MIOS: variants seen among roughly 807,000 people sequenced by gnomAD.
MIOS encodes GATOR2 complex protein MIOS.
In MIOS, 52 loss-of-function variants were observed where a neutral mutation model predicts 96.9. The observed-to-expected ratio is 0.54, with a 90% CI of 0.43 to 0.68. The LOEUF is 0.68. MIOS is among the 30% of genes least tolerant of loss of function. The pLI is 0.00. For synonymous variants in MIOS, 397 were observed against 359.5 expected, an observed-to-expected ratio of 1.10 and a Z score of -1.18; for missense variants, 1,005 against 1,052.8, an observed-to-expected ratio of 0.95 and a Z score of 0.63.
chr7:7,580,294 C>G (rs1024126851), intron 5 of MIOS, among the ~76,000 whole-genome samples: 1 of 152,154 alleles, frequency 6.6e-6, no homozygotes, highest in African/African-American at 2.4e-5. Flanking sequence ...CTTTCATAAG[C>G]TAAAAGTGAT....
At chr7:7,580,748 G>A (rs1783688701) in intron 5 of MIOS, among the ~76,000 whole-genome samples, 2 of 143,642 alleles carry the variant, frequency 1.4e-5, no homozygotes, top group African/African-American at 5.2e-5. Flanking sequence ...CCAGGCTGGT[G>A]CGATCTCGGC....
At position 7,603,247 on chromosome 7, in the gene MIOS, G is replaced by T. The variant is rs577679362; in HGVS notation, c.2402-2695G>T. Among the ~76,000 whole-genome samples the T allele has an allele frequency of 1.3e-4, 20 of 151,626 alleles. No homozygotes were observed. The East Asian group carries it at 3.9e-3, about 29-fold the overall frequency. On this transcript the variant is annotated intron_variant, in intron 11 of 12. Coordinates refer to ENST00000340080, the MANE Select transcript of MIOS (RefSeq NM_019005.4). ...AATTAAACTAAAGAGCTTCTGCACA[G>T]CAAAAGAAACTACCATCAGAGTGAA...
At chr7:7,596,561 T>G in intron 11 of MIOS, 100 bp downstream of exon 11, 1 of 1,225,226 alleles carries the variant, frequency 8.2e-7, no homozygotes, top group Non-Finnish European at 1.2e-6. Context: ...GAGTTATTAT[T>G]TCTAAGAAAG....
chr7:7,606,638 A>G (rs190799814), intron 12 of MIOS, among the ~76,000 whole-genome samples: 1 of 152,352 alleles, frequency 6.6e-6, no homozygotes, highest in Admixed American at 6.5e-5. Flanking sequence ...ATCTTGCCAT[A>G]TATGTAGAAA....
At chr7:7,588,030 AC>A (rs1783942378) in intron 7 of MIOS, among the ~76,000 whole-genome samples, 1 of 152,156 alleles carries the variant, frequency 6.6e-6, no homozygotes, top group East Asian at 1.9e-4. Flanking sequence ...GTCACTTTGT[AC>A]TTGGAAACGT....
rs765851251 is a variant in MIOS at position 7,589,275 on chromosome 7, T to C, written c.1885-130T>C. The C allele has an allele frequency of 3.9e-4, 290 of 735,228 alleles. 1 individual carries two copies. The highest frequency in any genetic ancestry group is 5.8e-4 in the Non-Finnish European group (272 of 470,752). The allele number at this position is 735,228 out of a possible 1,614,324, so 45.5% of individuals were successfully genotyped here. A position where few individuals can be genotyped will look rare whatever the true frequency, so the allele number is the denominator to read the frequency against. Reference sequence around the variant, plus strand: ...AGATGCAGACTTCTTAGTTAAATATTTATATTTTAGTAAAGTCTTTTGTTT... The same window carrying C: ...AGATGCAGACTTCTTAGTTAAATATCTATATTTTAGTAAAGTCTTTTGTTT... On this transcript the variant is annotated intron_variant, in intron 8 of 12. Transcript: ENST00000340080.
intron 3 of MIOS, among the ~76,000 whole-genome samples, chr7:7,568,583 T>G (rs1233360862): frequency 6.6e-6 from 1 of 152,248 alleles, no homozygotes; most frequent in African/African-American, 2.4e-5. Context: ...AGCCCAGCAT[T>G]TAGAATGGCT....
intron 7 of MIOS, 120 bp downstream of exon 7, chr7:7,585,925 T>C: frequency 2.2e-6 from 2 of 927,864 alleles, no homozygotes; most frequent in South Asian, 4.8e-5. Context: ...ATATGTTATT[T>C]AAAATAAGGC....
At chr7:7,590,941 TG>T (rs576129621) in intron 9 of MIOS, among the ~76,000 whole-genome samples, 154 of 152,356 alleles carry the variant, frequency 1.0e-3, no homozygotes, top group African/African-American at 3.6e-3. Flanking sequence ...TCCATTCCTT[TG>T]TCCTATTGTC....
intron 11 of MIOS, among the ~76,000 whole-genome samples, chr7:7,599,536 T>C (rs964999652): frequency 6.6e-6 from 1 of 152,166 alleles, no homozygotes; most frequent in African/African-American, 2.4e-5. Context: ...AGATTTAATA[T>C]ATGAAGATTG....
intron 5 of MIOS, chr7:7,581,836 CTTA>C (rs1256379327): frequency 6.6e-6 from 1 of 152,200 alleles, no homozygotes; most frequent in Non-Finnish European, 1.5e-5. Context: ...AAAGGACTTA[CTTA>C]ATTAGGTCAG....
In MIOS at chr7:7,574,164, C is replaced by T; in HGVS notation, c.1361C>T (p.Ala454Val). ...SPGNKGSLVY[A>V]GIKSIVKSSL... ...GGCAACAAAGGATCATTGGTTTATGCAGGAATTAAATCAATTGTAAAGTCA... is the reference window on the plus strand; with the variant it reads ...GGCAACAAAGGATCATTGGTTTATGTAGGAATTAAATCAATTGTAAAGTCA... The change falls in exon 5 of 13, where the codon GCA (alanine) becomes GTA (valine). Residue 454 changes from alanine to valine, a missense_variant. By Grantham distance (64) the Ala-to-Val change is moderately conservative (BLOSUM62 0). Transcript: ENST00000340080. 2 of 1,609,774 alleles carry T rather than the reference C, an allele frequency of 1.2e-6. No individual in the cohort carries two copies. The highest frequency in any genetic ancestry group is 1.7e-6 in the Non-Finnish European group (2 of 1,177,474).
intron 7 of MIOS, among the ~76,000 whole-genome samples, chr7:7,586,998 T>TG (rs1783907030): frequency 5.7e-5 from 8 of 139,790 alleles, no homozygotes; most frequent in African/African-American, 2.0e-4. Context: ...CTTTTTTTTT[T>TG]TTTTTTTTTT....
chr7:7,596,940 A>C (rs1784219682), intron 11 of MIOS, among the ~76,000 whole-genome samples: 1 of 152,262 alleles, frequency 6.6e-6, no homozygotes, highest in Admixed American at 6.5e-5. Context: ...CATGCCTGTA[A>C]TCCCAGCTCT....
intron 6 of MIOS, among the ~76,000 whole-genome samples, chr7:7,584,207 A>G (rs894009859): frequency 4.6e-5 from 7 of 152,002 alleles, no homozygotes; most frequent in East Asian, 3.9e-4. Flanking sequence ...AAAAAAGTCA[A>G]TGTTTTGCTC....
chr7:7,568,206 A>G (rs373924161), intron 3 of MIOS, 83 bp downstream of exon 3: 1 of 152,222 alleles, frequency 6.6e-6, no homozygotes, highest in African/African-American at 2.4e-5. Flanking sequence ...AAATTTGGAA[A>G]AAACATTAAC....
chr7:7,606,134 A>G (rs1784524449), intron 12 of MIOS, 63 bp downstream of exon 12: 1 of 1,578,092 alleles, frequency 6.3e-7, no homozygotes, highest in South Asian at 1.2e-5. Context: ...GATTGCTTCT[A>G]AATAGTTTGG....
intron 5 of MIOS, chr7:7,582,849 T>C (rs1056256064): frequency 5.8e-6 from 2 of 344,144 alleles, no homozygotes; most frequent in African/African-American, 2.1e-5. Flanking sequence ...GTATGTCTAT[T>C]TTAGATTAGG....
intron 9 of MIOS, among the ~76,000 whole-genome samples, chr7:7,591,297 G>GTTT (rs71010984): frequency 7.4e-5 from 10 of 135,986 alleles, no homozygotes; most frequent in East Asian, 2.1e-4. Context: ...TTTTTGTTGG[G>GTTT]TTTTTTTTTT....
Sources: allele counts gnomAD v4.1 joint callset (sites outside exome capture counted in the v4.1 genomes callset), GRCh38; gene constraint gnomAD v4.1.1; transcripts MANE v1.5; gene names NCBI Gene and HGNC (gene_info 2026-07-23, HGNC 2026-07-21).